The following TGIF1 variants were observed in gnomAD, a reference collection of about 807,000 sequenced individuals.
TGIF1 encodes the protein homeobox protein TGIF1.
A neutral mutation model predicts 19.3 loss-of-function variants in TGIF1; 4 were observed. The ratio of observed to expected loss-of-function variants is 0.21; its 90% CI spans 0.10 to 0.47. The LOEUF is 0.47. Among genes scored for constraint, TGIF1 ranks in the 20% least tolerant of loss-of-function variants. The probability of loss-of-function intolerance (pLI) is 0.98; values close to 1 mark genes in which losing one functional copy is unlikely to be tolerated. For missense variants in TGIF1, 275 were observed against 341.4 expected (o/e 0.81, Z 1.53); for synonymous variants, 122 against 129.3 (o/e 0.94, Z 0.38).
At chr18:3,420,058 T>G (rs2082382346) in intron 2 of TGIF1, among the ~76,000 whole-genome samples, 2 of 151,850 alleles carry the variant, frequency 1.3e-5, no homozygotes, top group Non-Finnish European at 2.9e-5. Context: ...AAACACGGGT[T>G]TGTAATCATG....
At chr18:3,412,290 G>A (rs536056843) in intron 1 of TGIF1, 1 of 152,338 alleles carries the variant, frequency 6.6e-6, no homozygotes, top group Non-Finnish European at 1.5e-5. Flanking sequence ...CAAGGAAGAG[G>A]AAGAGGAGAC....
chr18:3,451,271 GTTTCCACGAAGTGTTCTGGAAGC>G lies in TGIF1; in HGVS notation c.16+770_16+792del. Reference sequence around the variant, plus strand: ...AAGTGCAAAGAGCAAGGCTGTCATTGTTTCCACGAAGTGTTCTGGAAGCTTTACAACTAAAACTTGCCGTCAGT... The same window carrying G: ...AAGTGCAAAGAGCAAGGCTGTCATTGTTTACAACTAAAACTTGCCGTCAGT... On this transcript the variant is annotated intron_variant, in intron 1 of 2. Transcript: ENST00000343820. The surrounding 1 kb of genome is among the most constrained non-coding windows in gnomAD (Gnocchi z 5.4). The G allele has an allele frequency of 2.5e-6, 2 of 809,902 alleles. No individual in the cohort carries two copies. Among genetic ancestry groups the G allele is most frequent in the South Asian group, 1.1e-4 (2 of 17,756 alleles). The allele number at this position is 809,902 out of a possible 1,614,324, so 50.2% of individuals were successfully genotyped here.
At chr18:3,412,620 G>A (rs967409592) in intron 1 of TGIF1, among the ~76,000 whole-genome samples, 6 of 152,222 alleles carry the variant, frequency 3.9e-5, no homozygotes, top group Non-Finnish European at 7.3e-5. Context: ...TCTCCTGTGT[G>A]TTGTATGAAG....
At chr18:3,429,252 G>GC (rs1192466288) in intron 2 of TGIF1, among the ~76,000 whole-genome samples, 2 of 152,044 alleles carry the variant, frequency 1.3e-5, no homozygotes, top group Admixed American at 6.6e-5. Flanking sequence ...GTAGAGACTG[G>GC]AGTCTCGCTT....
At chr18:3,449,987 G>A (rs1025550808), upstream of TGIF1, 28 of 988,228 alleles carry the variant, frequency 2.8e-5, no homozygotes, top group Non-Finnish European at 3.4e-5. Context: ...TTCTGGACCC[G>A]GCCACCCCCC....
chr18:3,457,231 G>A lies in TGIF1; in HGVS notation c.244-134G>A. ...AGCTCAGATACCTTGAAATAACATT[G>A]TAAATTCAGATAAGGCTTTTCATGC... On this transcript the variant is annotated intron_variant, in intron 2 of 2. Transcript: ENST00000343820. The surrounding 1 kb of genome is among the most constrained non-coding windows in gnomAD (Gnocchi z 4.9). 2 of 1,017,670 alleles carry A rather than the reference G, an allele frequency of 2.0e-6. No homozygotes were observed. The highest frequency in any genetic ancestry group is 2.0e-5 in the Admixed American group (1 of 49,064). 63.0% of individuals were successfully genotyped at this position (1,017,670 alleles called of 1,614,324 possible). A position where few individuals can be genotyped will look rare whatever the true frequency, so the allele number is the denominator to read the frequency against.
chr18:3,453,543 G>A (rs2083059516), intron 1 of TGIF1, among the ~76,000 whole-genome samples: 1 of 151,976 alleles, frequency 6.6e-6, no homozygotes, highest in African/African-American at 2.4e-5. Flanking sequence ...AAAATTAGCC[G>A]GGCGTGGTGG....
intron 2 of TGIF1, among the ~76,000 whole-genome samples, chr18:3,441,037 GA>G (rs539330964): frequency 8.5e-5 from 13 of 152,212 alleles, no homozygotes; most frequent in Non-Finnish European, 1.2e-4. Context: ...TGTAATGACA[GA>G]AAAACAAAGT....
upstream of TGIF1, chr18:3,449,464 G>A: frequency 3.0e-6 from 3 of 985,510 alleles, no homozygotes; most frequent in Middle Eastern, 5.2e-4. Flanking sequence ...TTTCGAAACT[G>A]CCTTGCAATC....
rs984521773 is a variant in TGIF1, at chr18:3,457,140, C to G, written c.244-225C>G. ...CTGAAAAGGTTTAAGTATGAAGAGA[C>G]AAAAAAGGAAATTTGTATTAGAAAC... On this transcript the variant is annotated intron_variant, in intron 2 of 2. Coordinates refer to ENST00000343820, the MANE Select transcript of TGIF1 (RefSeq NM_003244.4). This position sits in a 1 kb window ranked among gnomAD's most constrained non-coding sequence, Gnocchi z 4.9. The G allele has an allele frequency of 6.5e-6, 4 of 615,628 alleles. No individual in the cohort carries two copies. Among genetic ancestry groups the G allele is most frequent in the Non-Finnish European group, 1.1e-5 (4 of 353,450 alleles). The allele number at this position is 615,628 out of a possible 1,614,324, so 38.1% of individuals were successfully genotyped here.
rs1046586972 is a variant in TGIF1, at chr18:3,456,058, A to G, written c.17-296A>G. ...ATTTTGGGTGCAGTTTGTCTCCTCC[A>G]ATGATTAGACGAAAGAGTTTTCTGA... On this transcript the variant is annotated intron_variant, in intron 1 of 2. Coordinates refer to ENST00000343820, the MANE Select transcript of TGIF1 (RefSeq NM_003244.4). The surrounding 1 kb of genome is among the most constrained non-coding windows in gnomAD (Gnocchi z 4.2). 1.4e-5 allele frequency: 6 copies of G among 444,438 alleles called. No individual in the cohort carries two copies. Among genetic ancestry groups the G allele is most frequent in the Non-Finnish European group, 2.1e-5 (5 of 238,710 alleles). 27.5% of individuals were successfully genotyped at this position (444,438 alleles called of 1,614,324 possible).
At position 3,451,354 on chromosome 18, in the gene TGIF1, G is replaced by A. The variant is rs1417898706; in HGVS notation, c.16+849G>A. ...AAACAAAATACACCGGAGGGGGACG[G>A]GGGGTGGAGAAACCACACAAAACAC... On this transcript the variant is annotated intron_variant, in intron 1 of 2. Transcript: ENST00000343820. The surrounding 1 kb of genome is among the most constrained non-coding windows in gnomAD (Gnocchi z 5.4). The A allele has an allele frequency of 1.0e-6, 1 of 984,944 alleles. No homozygotes were observed. Among genetic ancestry groups the A allele is most frequent in the Admixed American group, 6.1e-5 (1 of 16,262 alleles). 61.0% of individuals were successfully genotyped at this position (984,944 alleles called of 1,614,324 possible). A position where few individuals can be genotyped will look rare whatever the true frequency, so the allele number is the denominator to read the frequency against.
chr18:3,428,304 C>G (rs1403048639), intron 2 of TGIF1, among the ~76,000 whole-genome samples: 5 of 152,194 alleles, frequency 3.3e-5, no homozygotes, highest in Non-Finnish European at 7.3e-5. Flanking sequence ...TTCACAGGAG[C>G]ACTTCCGACG....
At chr18:3,435,677 G>C (rs554438459) in intron 2 of TGIF1, among the ~76,000 whole-genome samples, 18 of 152,212 alleles carry the variant, frequency 1.2e-4, no homozygotes, top group African/African-American at 4.1e-4. Context: ...TATTCCTTCT[G>C]TAGCTGTCAA....
Position 3,451,294 on chromosome 18 carries a change from C to G in TGIF1, c.16+789C>G, listed in dbSNP as rs964442624. ...TTGTTTCCACGAAGTGTTCTGGAAG[C>G]TTTACAACTAAAACTTGCCGTCAGT... is the stretch of plus-strand genomic sequence containing the variant. On this transcript the variant is annotated intron_variant, in intron 1 of 2. Transcript: ENST00000343820. This position sits in a 1 kb window ranked among gnomAD's most constrained non-coding sequence, Gnocchi z 5.4. 3 of 907,670 alleles carry G rather than the reference C, an allele frequency of 3.3e-6. No individual in the cohort carries two copies. Among genetic ancestry groups the G allele is most frequent in the African/African-American group, 1.8e-5 (1 of 55,296 alleles). The allele number at this position is 907,670 out of a possible 1,614,324, so 56.2% of individuals were successfully genotyped here. A position where few individuals can be genotyped will look rare whatever the true frequency, so the allele number is the denominator to read the frequency against.
chr18:3,448,548 T>G, upstream of TGIF1: 8 of 987,582 alleles, frequency 8.1e-6, no homozygotes, highest in Non-Finnish European at 9.6e-6. Context: ...AGGTGTGTGT[T>G]CTCTTCTGTC....
chr18:3,443,998 G>T (rs1445687533), intron 2 of TGIF1, among the ~76,000 whole-genome samples: 1 of 148,988 alleles, frequency 6.7e-6, no homozygotes, highest in East Asian at 2.0e-4. Context: ...GCAGTGGCAC[G>T]ATCTCGGCTC....
rs547683581 is a variant in TGIF1, at chr18:3,450,325, C to A, written c.-165C>A. ...TGTCACTTGAATTCCACCCAAGGAG[C>A]GGGCGCCTGGGATCAGAGCGTCCTG... On this transcript the variant is annotated 5_prime_UTR_variant, in exon 1 of 3. Transcript: ENST00000343820. 3.4e-6 allele frequency: 5 copies of A among 1,455,742 alleles called. No individual in the cohort carries two copies. The highest frequency in any genetic ancestry group is 4.5e-6 in the Non-Finnish European group (5 of 1,102,072). 90.2% of individuals were successfully genotyped at this position (1,455,742 alleles called of 1,614,324 possible).
At chr18:3,453,399 G>C (rs2143366510) in intron 1 of TGIF1, among the ~76,000 whole-genome samples, 1 of 152,208 alleles carries the variant, frequency 6.6e-6, no homozygotes, top group South Asian at 2.1e-4. Context: ...AGAAAAGAAA[G>C]TGCAGGGCTG....
Sources: allele counts gnomAD v4.1 joint callset (sites outside exome capture counted in the v4.1 genomes callset), GRCh38; gene constraint gnomAD v4.1.1; non-coding constraint Gnocchi (gnomAD v3.1); transcripts MANE v1.5; gene names NCBI Gene and HGNC (gene_info 2026-07-23, HGNC 2026-07-21).